The following MTFR1 variants were observed in gnomAD, a reference collection of about 807,000 sequenced individuals.
MTFR1 encodes mitochondrial fission regulator 1.
MTFR1 carries 28 observed loss-of-function variants against 38.8 expected under a neutral mutation model. That is an observed-to-expected ratio of 0.72 (90% CI 0.53 to 0.99). The LOEUF is 0.99. Among genes scored for constraint, MTFR1 ranks in the 50% least tolerant of loss-of-function variants. The pLI, the probability that MTFR1 is intolerant of heterozygous loss-of-function variation, is 0.00. For synonymous variants in MTFR1, 145 were observed against 137.0 expected (o/e 1.06, Z -0.41); for missense variants, 358 against 395.5 (o/e 0.91, Z 0.81).
At chr8:65,750,032 G>A (rs1015395118) in intron 3 of MTFR1, among the ~76,000 whole-genome samples, 1 of 302 alleles carries the variant, frequency 3.3e-3, no homozygotes. Context: ...GCATGAATAT[G>A]TGGGGGAGGA....
At chr8:65,724,295 C>G in intron 3 of MTFR1, 1 of 1,612,890 alleles carries the variant, frequency 6.2e-7, no homozygotes, top group Non-Finnish European at 8.5e-7. Flanking sequence ...CACTCCACTG[C>G]TTGCTTAATT....
chr8:65,649,941 C>T (rs528476095), intron 1 of MTFR1, among the ~76,000 whole-genome samples: 4 of 152,096 alleles, frequency 2.6e-5, no homozygotes, highest in South Asian at 2.1e-4. Context: ...TGGGTTCAAG[C>T]GATTCTCCTG....
intron 4 of MTFR1, among the ~76,000 whole-genome samples, chr8:65,697,816 G>A (rs1190401204): frequency 2.0e-5 from 3 of 152,056 alleles, no homozygotes; most frequent in Non-Finnish European, 2.9e-5. Flanking sequence ...TGCCATATGT[G>A]TATTCTTTCA....
At chr8:65,662,092 C>G (rs1481913373) in intron 1 of MTFR1, among the ~76,000 whole-genome samples, 1 of 98,256 alleles carries the variant, frequency 1.0e-5, no homozygotes, top group African/African-American at 3.5e-5. Context: ...CTCCCTCTCC[C>G]TCTCTTTCCA....
chr8:65,723,035 T>C (rs897309367), intron 3 of MTFR1: 1 of 152,498 alleles, frequency 6.6e-6, no homozygotes, highest in Non-Finnish European at 1.5e-5. Flanking sequence ...GCAAGATGGC[T>C]GCACAGCATT....
intron 3 of MTFR1, among the ~76,000 whole-genome samples, chr8:65,760,122 A>G (rs887294716): frequency 2.0e-5 from 3 of 151,984 alleles, no homozygotes; most frequent in Admixed American, 1.3e-4. Flanking sequence ...CGCCTGTAAT[A>G]CCAGCTACTT....
chr8:65,740,472 C>T (rs1807367408), intron 3 of MTFR1, among the ~76,000 whole-genome samples: 1 of 152,098 alleles, frequency 6.6e-6, no homozygotes, highest in Non-Finnish European at 1.5e-5. Context: ...GCGATCTTGG[C>T]TCACTGCAAC....
intron 3 of MTFR1, among the ~76,000 whole-genome samples, chr8:65,742,341 G>A (rs142376739): frequency 6.6e-5 from 10 of 152,250 alleles, no homozygotes; most frequent in African/African-American, 2.4e-4. Context: ...GTGGCTTTAG[G>A]AGTGACAAGC....
chr8:65,715,435 T>C (rs1015578452), downstream of MTFR1, among the ~76,000 whole-genome samples: 3 of 151,084 alleles, frequency 2.0e-5, no homozygotes, highest in Admixed American at 6.6e-5. Context: ...TGGAGTGCAG[T>C]AGCACAATCT....
At chr8:65,727,415 C>T in intron 3 of MTFR1, 1 of 1,446,404 alleles carries the variant, frequency 6.9e-7, no homozygotes. Flanking sequence ...CCTCCCCCTT[C>T]ACGTCATTCC....
chr8:65,728,811 A>C (rs1806714683), intron 3 of MTFR1, among the ~76,000 whole-genome samples: 2 of 152,210 alleles, frequency 1.3e-5, no homozygotes, highest in Non-Finnish European at 2.9e-5. Context: ...AATTAGACTG[A>C]TTTAAAAAAT....
chr8:65,757,086 G>A (rs1392503029), intron 3 of MTFR1, among the ~76,000 whole-genome samples: 2 of 152,102 alleles, frequency 1.3e-5, no homozygotes, highest in Admixed American at 1.3e-4. Flanking sequence ...GGTTTTTATG[G>A]AAGCTTCATA....
At chr8:65,724,353 T>A in intron 3 of MTFR1, 1 of 1,605,724 alleles carries the variant, frequency 6.2e-7, no homozygotes, top group Non-Finnish European at 8.5e-7. Context: ...CAAAGCCATC[T>A]AGCAAACAAA....
At chr8:65,707,569 C>T (rs372089044) in intron 6 of MTFR1, among the ~76,000 whole-genome samples, 1 of 152,222 alleles carries the variant, frequency 6.6e-6, no homozygotes, top group Admixed American at 6.5e-5. Context: ...AGCATAGTCA[C>T]TAGACATGCA....
At chr8:65,714,266 CG>C (rs139694749), downstream of MTFR1, 4 of 151,052 alleles carry the variant, frequency 2.6e-5, no homozygotes, top group Non-Finnish European at 4.4e-5. Flanking sequence ...CCAGTATAGA[CG>C]GAAGAGTTTC....
chr8:65,767,060 G>C (rs1808824453), intron 3 of MTFR1, among the ~76,000 whole-genome samples: 1 of 152,092 alleles, frequency 6.6e-6, no homozygotes, highest in African/African-American at 2.4e-5. Context: ...ACATCCAACT[G>C]AATCTTGTTT....
chr8:65,711,088 A>AATT (rs1461483740), downstream of MTFR1, among the ~76,000 whole-genome samples: 1 of 152,064 alleles, frequency 6.6e-6, no homozygotes, highest in Non-Finnish European at 1.5e-5. Context: ...CCTGTTAAAT[A>AATT]ATTTATCTTT....
At chr8:65,742,007 T>C (rs1265243071) in intron 3 of MTFR1, among the ~76,000 whole-genome samples, 2 of 152,188 alleles carry the variant, frequency 1.3e-5, no homozygotes, top group African/African-American at 4.8e-5. Context: ...AAAAGCTGCA[T>C]GCAAGATACC....
intron 3 of MTFR1, among the ~76,000 whole-genome samples, chr8:65,738,265 G>T (rs748611116): frequency 2.4e-5 from 3 of 127,010 alleles, no homozygotes; most frequent in Non-Finnish European, 3.2e-5. Context: ...AAGCAAAATT[G>T]TATATAACCA....
Sources: gnomAD v4.1 joint callset for allele counts (sites outside exome capture counted in the v4.1 genomes callset) on GRCh38, gnomAD v4.1.1 for gene constraint, MANE v1.5 for transcripts, NCBI Gene and HGNC (gene_info 2026-07-23, HGNC 2026-07-21) for gene names.